The following PRELID2 variants were observed in gnomAD, a reference collection of about 807,000 sequenced individuals.
PRELID2 encodes PRELI domain containing 2, also known as PRELI domain-containing protein 2.
PRELID2 carries 25 observed loss-of-function variants against 28.4 expected under a neutral mutation model. The ratio of observed to expected loss-of-function variants is 0.88; its 90% confidence interval spans 0.64 to 1.23. The LOEUF is 1.23. Among genes scored for constraint, PRELID2 ranks in the 50% most tolerant of loss-of-function variants. The pLI, the probability that PRELID2 is intolerant of heterozygous loss-of-function variation, is 0.00. For synonymous variants in PRELID2, 76 were observed against 71.6 expected (o/e 1.06, Z -0.31); for missense variants, 201 against 214.4 (o/e 0.94, Z 0.39).
At chr5:145,563,339 G>A (rs1752939690) in intron 1 of PRELID2, among the ~76,000 whole-genome samples, 1 of 152,096 alleles carries the variant, frequency 6.6e-6, no homozygotes, top group African/African-American at 2.4e-5. Flanking sequence ...TCAGATTCCT[G>A]GTGACTAAAT....
At chr5:145,737,216 G>A (rs1294409353) in intron 1 of PRELID2, among the ~76,000 whole-genome samples, 1 of 152,034 alleles carries the variant, frequency 6.6e-6, no homozygotes, top group Non-Finnish European at 1.5e-5. Context: ...GCTCTGAACA[G>A]TTATTACAAG....
downstream of PRELID2, among the ~76,000 whole-genome samples, chr5:145,755,903 C>T (rs148138398): frequency 0.01 from 1,567 of 152,216 alleles, 9 homozygotes; most frequent in Non-Finnish European, 0.013. Context: ...TAACAAGGCA[C>T]GGAAACCCAC....
At chr5:145,455,339 C>A in the PRELID2 span, among the ~76,000 whole-genome samples, 1 of 152,184 alleles carries the variant, frequency 6.6e-6, no homozygotes, top group East Asian at 1.9e-4. Context: ...CGGTACCATG[C>A]TGTTTTGGTT....
At chr5:145,709,333 C>T (rs1056967833) in intron 1 of PRELID2, among the ~76,000 whole-genome samples, 4 of 152,156 alleles carry the variant, frequency 2.6e-5, no homozygotes, top group Non-Finnish European at 4.4e-5. Context: ...GCTATCTCCC[C>T]CAGGTGATTA....
At chr5:145,649,595 T>C (rs1315743713) in intron 1 of PRELID2, among the ~76,000 whole-genome samples, 1 of 152,332 alleles carries the variant, frequency 6.6e-6, no homozygotes, top group African/African-American at 2.4e-5. Context: ...CTATTTTCCA[T>C]CCTTTTCTTT....
chr5:145,401,237 T>C, the PRELID2 span, among the ~76,000 whole-genome samples: 2 of 151,776 alleles, frequency 1.3e-5, no homozygotes, highest in East Asian at 3.9e-4. Context: ...TTTTTTTTTC[T>C]TTTCCATTTA....
chr5:145,658,295 G>C (rs1754430384), intron 1 of PRELID2, among the ~76,000 whole-genome samples: 2 of 152,166 alleles, frequency 1.3e-5, no homozygotes, highest in African/African-American at 2.4e-5. Context: ...ACCCCACCAA[G>C]TCCATTCCCT....
chr5:145,692,391 C>A (rs367617770), intron 1 of PRELID2, among the ~76,000 whole-genome samples: 4 of 152,038 alleles, frequency 2.6e-5, no homozygotes, highest in African/African-American at 4.8e-5. Context: ...CACACACATA[C>A]CCCCTAGGCC....
intron 3 of PRELID2, chr5:145,819,374 C>T (rs932078486): frequency 1.9e-6 from 3 of 1,595,540 alleles, no homozygotes; most frequent in Admixed American, 1.7e-5. Context: ...AAAATTTCCA[C>T]TCACCTTTTT....
chr5:145,752,131 A>C (rs1040675794), downstream of PRELID2, among the ~76,000 whole-genome samples: 2 of 152,154 alleles, frequency 1.3e-5, no homozygotes, highest in Non-Finnish European at 2.9e-5. Flanking sequence ...ACCAGCAGAA[A>C]ACTAAATGTC....
chr5:145,341,011 G>GA, the PRELID2 span, among the ~76,000 whole-genome samples: 1 of 151,592 alleles, frequency 6.6e-6, no homozygotes, highest in East Asian at 1.9e-4. Context: ...GACAGCTGAA[G>GA]AAATCATACA....
chr5:145,440,921 T>C, the PRELID2 span: 1 of 152,076 alleles, frequency 6.6e-6, no homozygotes, highest in Admixed American at 6.6e-5. Flanking sequence ...AGGCTGGCCT[T>C]AAAAACAGCA....
At chr5:145,697,585 A>G (rs1755308827) in intron 1 of PRELID2, among the ~76,000 whole-genome samples, 1 of 152,174 alleles carries the variant, frequency 6.6e-6, no homozygotes, top group African/African-American at 2.4e-5. Flanking sequence ...GTGACAACAG[A>G]GACTCTATGG....
intron 1 of PRELID2, among the ~76,000 whole-genome samples, chr5:145,545,331 C>A (rs1752777051): frequency 6.6e-6 from 1 of 151,978 alleles, no homozygotes; most frequent in South Asian, 2.1e-4. Context: ...TATAGAGACT[C>A]CTGGGATGTG....
intron 5 of PRELID2, among the ~76,000 whole-genome samples, chr5:145,794,183 G>A (rs953799430): frequency 6.6e-6 from 1 of 152,122 alleles, no homozygotes; most frequent in Admixed American, 6.6e-5. Context: ...AGAAAGAGTG[G>A]AATAAAATAG....
At chr5:145,694,480 T>C (rs1219641343) in intron 1 of PRELID2, among the ~76,000 whole-genome samples, 3 of 152,188 alleles carry the variant, frequency 2.0e-5, no homozygotes, top group African/African-American at 7.2e-5. Context: ...AAACACCATG[T>C]TTAAAAAGAT....
chr5:145,761,148 TA>T (rs1228435154), intron 6 of PRELID2, among the ~76,000 whole-genome samples: 1 of 152,216 alleles, frequency 6.6e-6, no homozygotes, highest in Non-Finnish European at 1.5e-5. Context: ...ATAAAAATAT[TA>T]AATACTGTCT....
intron 1 of PRELID2, among the ~76,000 whole-genome samples, chr5:145,638,678 T>C (rs1156936743): frequency 6.6e-6 from 1 of 152,184 alleles, no homozygotes; most frequent in Non-Finnish European, 1.5e-5. Flanking sequence ...TGGAGCAAGA[T>C]AGAGTCTATG....
chr5:145,428,923 T>C, the PRELID2 span, among the ~76,000 whole-genome samples: 2 of 75,334 alleles, frequency 2.7e-5, no homozygotes, highest in Non-Finnish European at 6.1e-5. Context: ...GAGGCCAGTG[T>C]GGCTGGGCTG....
Sources: allele counts gnomAD v4.1 joint callset (sites outside exome capture counted in the v4.1 genomes callset), GRCh38; gene constraint gnomAD v4.1.1; transcripts MANE v1.5; gene names NCBI Gene and HGNC (gene_info 2026-07-23, HGNC 2026-07-21).